Variants in PPARGC1A observed in about 807,000 individuals in gnomAD.
PPARGC1A encodes PPARG coactivator 1 alpha, also known as peroxisome proliferator-activated receptor gamma coactivator 1-alpha.
A neutral mutation model predicts 88.7 loss-of-function variants in PPARGC1A; 25 were observed. That is an observed-to-expected ratio of 0.28 (90% CI 0.21 to 0.39). The LOEUF (loss-of-function observed/expected upper bound fraction) is 0.39, where lower values mean the gene tolerates loss of function less well. Ranked by LOEUF, PPARGC1A falls within the 10% of genes least tolerant of loss-of-function variation. The pLI, the probability that PPARGC1A is intolerant of heterozygous loss-of-function variation, is 1.00. For synonymous variants in PPARGC1A, 363 were observed against 355.6 expected, an observed-to-expected ratio of 1.02 and a Z score of -0.24; for missense variants, 880 against 968.7, an observed-to-expected ratio of 0.91 and a Z score of 1.22.
intron 7 of PPARGC1A, among the ~76,000 whole-genome samples, chr4:23,819,229 C>G (rs939962042): frequency 6.6e-6 from 1 of 152,140 alleles, no homozygotes; most frequent in African/African-American, 2.4e-5. Flanking sequence ...TTCCCCAGGA[C>G]TCACTGGAGC....
At chr4:24,335,660 G>A in the PPARGC1A span, among the ~76,000 whole-genome samples, 4 of 152,106 alleles carry the variant, frequency 2.6e-5, no homozygotes, top group East Asian at 1.9e-4. Flanking sequence ...CTATAAGCGC[G>A]AGGGTACGTT....
chr4:24,360,187 G>A, the PPARGC1A span, among the ~76,000 whole-genome samples: 1 of 152,118 alleles, frequency 6.6e-6, no homozygotes, highest in East Asian at 1.9e-4. Context: ...GGCTCCTAAT[G>A]GGTCTCCCTA....
intron 2 of PPARGC1A, among the ~76,000 whole-genome samples, chr4:23,855,941 G>C (rs572184448): frequency 6.6e-6 from 1 of 152,246 alleles, no homozygotes; most frequent in African/African-American, 2.4e-5. Context: ...AAACCAAAGT[G>C]TCACCAGACT....
At chr4:24,235,041 A>T in the PPARGC1A span, among the ~76,000 whole-genome samples, 1 of 152,212 alleles carries the variant, frequency 6.6e-6, no homozygotes, top group Non-Finnish European at 1.5e-5. Context: ...AAGGCAAGGT[A>T]AGAGGACACC....
chr4:24,320,066 AGAG>A, the PPARGC1A span, among the ~76,000 whole-genome samples: 8 of 152,224 alleles, frequency 5.3e-5, no homozygotes, highest in African/African-American at 1.4e-4. Context: ...GAATGGTGCA[AGAG>A]GAGAAGGGAC....
At chr4:24,452,483 CTT>C in the PPARGC1A span, among the ~76,000 whole-genome samples, 1 of 152,166 alleles carries the variant, frequency 6.6e-6, no homozygotes, top group African/African-American at 2.4e-5. Context: ...TATAATATGA[CTT>C]TGAATAGGCA....
chr4:24,398,937 C>T, the PPARGC1A span, among the ~76,000 whole-genome samples: 1 of 152,138 alleles, frequency 6.6e-6, no homozygotes, highest in African/African-American at 2.4e-5. Flanking sequence ...ATTTTCCCCA[C>T]CCAGAGGTAA....
chr4:24,299,674 C>T, the PPARGC1A span, among the ~76,000 whole-genome samples: 1 of 152,088 alleles, frequency 6.6e-6, no homozygotes, highest in Non-Finnish European at 1.5e-5. Flanking sequence ...ATCTCTGTGG[C>T]ACCGAGCATA....
chr4:24,132,940 T>C, the PPARGC1A span, among the ~76,000 whole-genome samples: 2 of 152,172 alleles, frequency 1.3e-5, no homozygotes, highest in African/African-American at 4.8e-5. Flanking sequence ...TGTGGGTACA[T>C]GGTAAACAGA....
the PPARGC1A span, among the ~76,000 whole-genome samples, chr4:23,999,237 A>G: frequency 1.2e-4 from 18 of 152,328 alleles, 1 homozygote; most frequent in South Asian, 1.2e-3. Context: ...TGTTGAACAT[A>G]TTTGATATGA....
chr4:23,898,249 A>G (rs1718847061), intron 1 of PPARGC1A, among the ~76,000 whole-genome samples: 1 of 152,232 alleles, frequency 6.6e-6, no homozygotes, highest in South Asian at 2.1e-4. Flanking sequence ...CCATAACAGT[A>G]TTAGCAAATG....
chr4:23,977,119 G>C, the PPARGC1A span, among the ~76,000 whole-genome samples: 1 of 152,112 alleles, frequency 6.6e-6, no homozygotes, highest in East Asian at 1.9e-4. Context: ...AGAGGCAGAG[G>C]AAGAGGAGAG....
chr4:23,995,687 A>G, the PPARGC1A span, among the ~76,000 whole-genome samples: 1 of 152,150 alleles, frequency 6.6e-6, no homozygotes, highest in Non-Finnish European at 1.5e-5. Flanking sequence ...AGATTTAGCT[A>G]AAGAGTTCCT....
the PPARGC1A span, among the ~76,000 whole-genome samples, chr4:24,114,122 A>T: frequency 8.8e-6 from 1 of 113,864 alleles, no homozygotes; most frequent in Non-Finnish European, 1.9e-5. Context: ...AGACTCCATC[A>T]CAAAAAAAAA....
At chr4:24,073,770 A>G in the PPARGC1A span, among the ~76,000 whole-genome samples, 1 of 152,218 alleles carries the variant, frequency 6.6e-6, no homozygotes, top group Non-Finnish European at 1.5e-5. Flanking sequence ...ACTATGTGGT[A>G]GAACCAGGAT....
At chr4:23,840,117 C>T (rs563620155) in intron 2 of PPARGC1A, among the ~76,000 whole-genome samples, 15 of 152,192 alleles carry the variant, frequency 9.9e-5, no homozygotes, top group Admixed American at 5.2e-4. Flanking sequence ...TGACCAAACC[C>T]TCCGTGGCTT....
chr4:24,036,820 A>T, the PPARGC1A span, among the ~76,000 whole-genome samples: 1 of 152,240 alleles, frequency 6.6e-6, no homozygotes. Context: ...TCAGCTGTAT[A>T]ACTAAGATTA....
chr4:24,057,043 G>A, the PPARGC1A span, among the ~76,000 whole-genome samples: 2 of 152,150 alleles, frequency 1.3e-5, no homozygotes, highest in South Asian at 2.1e-4. Context: ...CCCAAAGGTG[G>A]AAGTAACTCA....
chr4:24,005,736 A>G, the PPARGC1A span, among the ~76,000 whole-genome samples: 1 of 152,122 alleles, frequency 6.6e-6, no homozygotes, highest in Non-Finnish European at 1.5e-5. Flanking sequence ...GGCAGAGGAC[A>G]TCACTTGGGC....
Sources: allele counts gnomAD v4.1 joint callset (sites outside exome capture counted in the v4.1 genomes callset), GRCh38; gene constraint gnomAD v4.1.1; transcripts MANE v1.5; gene names NCBI Gene and HGNC (gene_info 2026-07-23, HGNC 2026-07-21).